IQSEC1: variants seen among roughly 807,000 people sequenced by gnomAD.
IQSEC1 encodes the protein IQ motif and Sec7 domain ArfGEF 1.
In IQSEC1, 31 loss-of-function variants were observed where a neutral mutation model predicts 91.0. The observed-to-expected ratio is 0.34, with a 90% CI of 0.26 to 0.46. The LOEUF (loss-of-function observed/expected upper bound fraction) is 0.46. Among genes scored for constraint, IQSEC1 ranks in the 20% least tolerant of loss-of-function variants. The pLI is 1.00. For synonymous variants in IQSEC1, 699 were observed against 662.6 expected (o/e 1.05, Z -0.84); for missense variants, 1,388 against 1,575.6 (o/e 0.88, Z 2.02).
At chr3:13,283,074 C>T (rs1470740850) in exon 1 of IQSEC1, among the ~76,000 whole-genome samples, 6 of 144,154 alleles carry the variant, frequency 4.2e-5, no homozygotes, top group Admixed American at 1.4e-4. Context: ...GACGGCGGCT[C>T]GGCGCGGCGC....
In IQSEC1 at chr3:13,008,652, C is replaced by T. The variant is rs191577000; in HGVS notation, c.23+64340G>A. On this transcript the variant is annotated intron_variant, in intron 1 of 13. Transcript: ENST00000613206. This position sits in a 1 kb window ranked among gnomAD's most constrained non-coding sequence, Gnocchi z 4.1. ...TTACTTGTCACCTCTCTGCCTCCCC[C>T]AACCCCCAAATGCCAGCTCTGTGAG... 2.5e-3 allele frequency among the ~76,000 whole-genome samples: 379 copies of T among 152,340 alleles called. No individual in the cohort carries two copies. The highest frequency in any genetic ancestry group is 2.9e-3 in the South Asian group (14 of 4,834).
intron 1 of IQSEC1, among the ~76,000 whole-genome samples, chr3:12,999,145 C>T (rs1702328557): frequency 6.6e-6 from 1 of 152,088 alleles, no homozygotes; most frequent in African/African-American, 2.4e-5. Flanking sequence ...AGGATGACTC[C>T]CCGTGTGACT....
In IQSEC1 at chr3:12,899,340, A is replaced by AT. The variant is rs756868129; in HGVS notation, c.*1642_*1643insA. On this transcript the variant is annotated 3_prime_UTR_variant, in exon 14 of 14. Transcript: ENST00000613206. ...AGGCGTGAGCTTCGCCCTTTCTGAA[A>AT]GGGCCTCCGCCTGGGCAGGCGCCGG... 1.9e-6 allele frequency: 3 copies of AT among 1,599,478 alleles called. No individual in the cohort carries two copies. Among genetic ancestry groups the AT allele is most frequent in the Non-Finnish European group, 1.7e-6 (2 of 1,170,332 alleles).
chr3:13,037,582 C>T (rs929318472), intron 1 of IQSEC1, among the ~76,000 whole-genome samples: 1 of 152,168 alleles, frequency 6.6e-6, no homozygotes, highest in Admixed American at 6.5e-5. Flanking sequence ...AGCAGCACTA[C>T]ACACAATAGT....
At chr3:13,107,556 C>G (rs911318079) in intron 2 of IQSEC1, among the ~76,000 whole-genome samples, 5 of 152,230 alleles carry the variant, frequency 3.3e-5, no homozygotes, top group Admixed American at 2.6e-4. Flanking sequence ...TTTCAGATTT[C>G]AACCAAGGCT....
chr3:13,141,647 C>T lies in IQSEC1; in HGVS notation c.302+22457G>A, dbSNP rs180895652. ...CAAGTGAGGAGAAACTGGACTCACCCAGAAGAAAAAGAAAGCCTCCTCACT... is the reference window on the plus strand; with the variant it reads ...CAAGTGAGGAGAAACTGGACTCACCTAGAAGAAAAAGAAAGCCTCCTCACT... On this transcript the variant is annotated intron_variant, in intron 2 of 15. Transcript: ENST00000648114. Among the ~76,000 whole-genome samples, 17 of 152,282 alleles carry T rather than the reference C, an allele frequency of 1.1e-4. No individual in the cohort carries two copies. In the South Asian group the frequency reaches 3.1e-3, roughly 28 times the overall value.
chr3:13,019,842 A>G (rs1703320962), intron 1 of IQSEC1, among the ~76,000 whole-genome samples: 1 of 152,074 alleles, frequency 6.6e-6, no homozygotes, highest in African/African-American at 2.4e-5. Context: ...GTCTATCACC[A>G]CTTGACAGCC....
At position 13,274,783 on chromosome 3, in the gene IQSEC1, C is replaced by A. The variant is rs200640385; in HGVS notation, c.272+7928G>T. Reference sequence around the variant, plus strand: ...TCCCCAAGCACACTGGCACCCACTGCCCATAGCAGCCCTGCCAGCTGGGTG... The same window carrying A: ...TCCCCAAGCACACTGGCACCCACTGACCATAGCAGCCCTGCCAGCTGGGTG... On this transcript the variant is annotated intron_variant, in intron 1 of 15. Transcript: ENST00000648114. Among the ~76,000 whole-genome samples, 23 of 152,380 alleles carry A rather than the reference C, an allele frequency of 1.5e-4. No homozygotes were observed. The East Asian group carries it at 4.2e-3, about 28-fold the overall frequency.
intron 1 of IQSEC1, among the ~76,000 whole-genome samples, chr3:13,256,860 G>A (rs971234771): frequency 2.0e-5 from 3 of 151,178 alleles, no homozygotes; most frequent in African/African-American, 7.4e-5. Context: ...CTACCCTGGG[G>A]AGAGGGTGCA....
intron 1 of IQSEC1, among the ~76,000 whole-genome samples, chr3:13,205,858 A>C (rs1402378683): frequency 7.1e-6 from 1 of 141,096 alleles, no homozygotes; most frequent in African/African-American, 2.7e-5. Flanking sequence ...CCATCCAACT[A>C]TCCCTTCATC....
At chr3:12,915,063 C>T (rs562827828) in intron 8 of IQSEC1, 41 bp downstream of exon 8, 10 of 1,578,344 alleles carry the variant, frequency 6.3e-6, no homozygotes, top group East Asian at 4.7e-5. Context: ...CTCCCCAGGG[C>T]GGCGGGCTAC....
At chr3:12,904,134 G>A (rs1351384559) in intron 12 of IQSEC1, among the ~76,000 whole-genome samples, 2 of 152,260 alleles carry the variant, frequency 1.3e-5, no homozygotes, top group Non-Finnish European at 2.9e-5. Flanking sequence ...GTGACAGGTG[G>A]AGGAAGTGCT....
chr3:13,256,097 C>G (rs1256453476), intron 1 of IQSEC1, among the ~76,000 whole-genome samples: 1 of 151,936 alleles, frequency 6.6e-6, no homozygotes, highest in African/African-American at 2.4e-5. Flanking sequence ...GCAAGAGTTG[C>G]CTTAGGAAAA....
At chr3:13,031,548 C>T (rs1472778507) in intron 1 of IQSEC1, among the ~76,000 whole-genome samples, 1 of 152,160 alleles carries the variant, frequency 6.6e-6, no homozygotes, top group Non-Finnish European at 1.5e-5. Context: ...GGTTTTCTGA[C>T]CTTTAGAACG....
chr3:13,244,047 T>C (rs1044654621), intron 1 of IQSEC1, among the ~76,000 whole-genome samples: 7 of 151,018 alleles, frequency 4.6e-5, no homozygotes, highest in Admixed American at 4.6e-4. Context: ...CAGGCCACCA[T>C]TTCAGGCAGA....
chr3:12,996,189 A>G (rs1203053600), intron 1 of IQSEC1, among the ~76,000 whole-genome samples: 1 of 152,090 alleles, frequency 6.6e-6, no homozygotes, highest in African/African-American at 2.4e-5. Context: ...TTTAAAGAGC[A>G]GTTAAGGGAA....
Position 12,967,708 on chromosome 3 carries a change from C to A in IQSEC1, c.24-25843G>T, listed in dbSNP as rs1700679952. 3.6e-6 allele frequency: 4 copies of A among 1,126,678 alleles called. No individual in the cohort carries two copies. The highest frequency in any genetic ancestry group is 4.3e-6 in the Non-Finnish European group (4 of 922,804). 69.8% of individuals were successfully genotyped at this position (1,126,678 alleles called of 1,614,324 possible). A position where few individuals can be genotyped will look rare whatever the true frequency, so the allele number is the denominator to read the frequency against. On this transcript the variant is annotated intron_variant, in intron 1 of 13. Transcript: ENST00000613206. The surrounding 1 kb of genome is among the most constrained non-coding windows in gnomAD (Gnocchi z 5.9). ...CCGCTTGGCGCAGCGCGAGGCCGGG[C>A]CGGAGGAATGTGGCCCTGAAGTGGG...
At chr3:12,906,644 T>C (rs1575853200) in intron 12 of IQSEC1, among the ~76,000 whole-genome samples, 1 of 152,274 alleles carries the variant, frequency 6.6e-6, no homozygotes, top group South Asian at 2.1e-4. Flanking sequence ...TCACACTACA[T>C]GAAAGCAGCT....
intron 2 of IQSEC1, among the ~76,000 whole-genome samples, chr3:13,136,067 C>T (rs1349136268): frequency 6.6e-6 from 1 of 152,230 alleles, no homozygotes; most frequent in African/African-American, 2.4e-5. Context: ...GGAGGCCCCA[C>T]AGGGCCGCCT....
Sources: allele counts gnomAD v4.1 joint callset (sites outside exome capture counted in the v4.1 genomes callset), GRCh38; gene constraint gnomAD v4.1.1; non-coding constraint Gnocchi (gnomAD v3.1); transcripts MANE v1.5; gene names NCBI Gene and HGNC (gene_info 2026-07-23, HGNC 2026-07-21).